HCRTR2: variants seen among roughly 807,000 people sequenced by gnomAD.
The protein encoded by HCRTR2 is hypocretin receptor 2.
HCRTR2 carries 22 observed loss-of-function variants against 49.0 expected under a neutral mutation model. That is an observed-to-expected ratio of 0.45 (90% CI 0.32 to 0.64). The LOEUF is 0.64. HCRTR2 is among the 30% of genes least tolerant of loss of function. The pLI, the probability that HCRTR2 is intolerant of heterozygous loss-of-function variation, is 0.04. For synonymous variants in HCRTR2, 236 were observed against 205.3 expected, an observed-to-expected ratio of 1.15 and a Z score of -1.28; for missense variants, 491 against 559.4, an observed-to-expected ratio of 0.88 and a Z score of 1.23.
At chr6:55,146,483 C>T (rs1279138696) in intron 1 of HCRTR2, among the ~76,000 whole-genome samples, 1 of 151,418 alleles carries the variant, frequency 6.6e-6, no homozygotes, top group African/African-American at 2.4e-5. Context: ...TGCAAGAATG[C>T]CTTATTGGAA....
chr6:55,121,157 T>G (rs1429994319), intron 1 of HCRTR2, among the ~76,000 whole-genome samples: 2 of 152,112 alleles, frequency 1.3e-5, no homozygotes. Flanking sequence ...TCGTTGAGCG[T>G]GGTTTGTAGT....
chr6:55,268,788 T>C (rs2653344), intron 4 of HCRTR2, among the ~76,000 whole-genome samples: 128,130 of 152,088 alleles, frequency 0.84, 54,172 homozygotes, highest in East Asian at 0.93. Context: ...TACTCACTTG[T>C]AGTAATGGAT....
At chr6:55,121,461 T>G (rs1203134015) in intron 1 of HCRTR2, among the ~76,000 whole-genome samples, 1 of 152,162 alleles carries the variant, frequency 6.6e-6, no homozygotes, top group Non-Finnish European at 1.5e-5. Flanking sequence ...CTGAATATGC[T>G]TTATTTCTTT....
intron 5 of HCRTR2, among the ~76,000 whole-genome samples, chr6:55,279,273 G>A (rs1767141292): frequency 6.6e-6 from 1 of 151,496 alleles, no homozygotes; most frequent in African/African-American, 2.4e-5. Context: ...ACCATTCCTA[G>A]CTTTTTCTCC....
chr6:55,230,143 T>C (rs1235393013), intron 1 of HCRTR2, among the ~76,000 whole-genome samples: 1 of 152,190 alleles, frequency 6.6e-6, no homozygotes, highest in Non-Finnish European at 1.5e-5. Context: ...AGCTCATATT[T>C]ACTAACCAGG....
chr6:55,265,880 C>T (rs1160722000), intron 4 of HCRTR2, among the ~76,000 whole-genome samples: 1 of 152,096 alleles, frequency 6.6e-6, no homozygotes, highest in African/African-American at 2.4e-5. Context: ...TACATGCATT[C>T]AGGTGTGTCC....
intron 1 of HCRTR2, among the ~76,000 whole-genome samples, chr6:55,203,562 A>C (rs1173933158): frequency 5.3e-5 from 8 of 152,166 alleles, no homozygotes; most frequent in Admixed American, 5.2e-4. Flanking sequence ...GTGCTATGGA[A>C]AAAAGTAAAA....
intron 1 of HCRTR2, among the ~76,000 whole-genome samples, chr6:55,219,675 A>C (rs1765853428): frequency 6.6e-6 from 1 of 152,026 alleles, no homozygotes; most frequent in Admixed American, 6.5e-5. Context: ...ACTAAGCCTA[A>C]TGTTAGCAAA....
chr6:55,213,535 A>G (rs2127292908), intron 1 of HCRTR2, among the ~76,000 whole-genome samples: 1 of 152,252 alleles, frequency 6.6e-6, no homozygotes, highest in Admixed American at 6.5e-5. Flanking sequence ...TCAAGAAGCC[A>G]GTTAAGAGGC....
intron 1 of HCRTR2, among the ~76,000 whole-genome samples, chr6:55,165,701 A>G (rs1764866154): frequency 7.1e-6 from 1 of 141,178 alleles, no homozygotes; most frequent in African/African-American, 2.6e-5. Context: ...AAATAGGAGA[A>G]CATGTTTGGA....
At chr6:55,143,763 G>C (rs372064951) in intron 1 of HCRTR2, among the ~76,000 whole-genome samples, 1 of 152,216 alleles carries the variant, frequency 6.6e-6, no homozygotes, top group Admixed American at 6.5e-5. Context: ...GGCATACTGC[G>C]GGGTTAGCAC....
intron 1 of HCRTR2, among the ~76,000 whole-genome samples, chr6:55,159,488 G>A (rs948382608): frequency 2.6e-5 from 4 of 152,180 alleles, no homozygotes; most frequent in South Asian, 2.1e-4. Flanking sequence ...CAGAGAATGA[G>A]TTTGATGAAT....
At chr6:55,210,946 C>T (rs1228798619) in intron 1 of HCRTR2, among the ~76,000 whole-genome samples, 4 of 152,280 alleles carry the variant, frequency 2.6e-5, no homozygotes, top group South Asian at 2.1e-4. Flanking sequence ...ACTGCATTTA[C>T]GACTGTGGTC....
intron 1 of HCRTR2, among the ~76,000 whole-genome samples, chr6:55,178,280 T>A (rs1410705626): frequency 6.6e-6 from 1 of 152,122 alleles, no homozygotes; most frequent in Admixed American, 6.6e-5. Flanking sequence ...ATATCATATG[T>A]TTCATCTGGT....
chr6:55,187,606 C>T (rs80209612), intron 1 of HCRTR2, among the ~76,000 whole-genome samples: 1,858 of 150,182 alleles, frequency 0.012, 38 homozygotes, highest in African/African-American at 0.043. Flanking sequence ...TATTACATAA[C>T]TCTTCAATAA....
intron 1 of HCRTR2, among the ~76,000 whole-genome samples, chr6:55,135,486 A>C (rs1764421186): frequency 6.6e-6 from 1 of 152,062 alleles, no homozygotes; most frequent in South Asian, 2.1e-4. Context: ...AGTTGCCCAA[A>C]AACCCATTTA....
At chr6:55,140,020 GA>G in intron 1 of HCRTR2, among the ~76,000 whole-genome samples, 1 of 152,146 alleles carries the variant, frequency 6.6e-6, no homozygotes, top group South Asian at 2.1e-4. Flanking sequence ...TGGTTTAGTA[GA>G]CTATGACAAA....
intron 4 of HCRTR2, 93 bp downstream of exon 4, chr6:55,263,915 T>G: frequency 2.5e-6 from 2 of 803,812 alleles, no homozygotes; most frequent in Non-Finnish European, 4.2e-6. Context: ...TGCTTTTTTT[T>G]TAGGATGCAC....
chr6:55,277,346 A>C (rs569307896), intron 4 of HCRTR2, 34 bp from the exon 5 acceptor site: 2 of 1,554,634 alleles, frequency 1.3e-6, no homozygotes, highest in Admixed American at 1.7e-5. Flanking sequence ...TCCTAAGTCA[A>C]ATTGCAATAA....
Sources: gnomAD v4.1 joint callset for allele counts (sites outside exome capture counted in the v4.1 genomes callset) on GRCh38, gnomAD v4.1.1 for gene constraint, MANE v1.5 for transcripts, NCBI Gene and HGNC (gene_info 2026-07-23, HGNC 2026-07-21) for gene names.